RAD51D: variants seen among roughly 807,000 people sequenced by gnomAD.
The protein encoded by RAD51D is RAD51 paralog D.
A neutral mutation model predicts 44.1 loss-of-function variants in RAD51D; 38 were observed. The observed-to-expected ratio is 0.86, with a 90% confidence interval of 0.67 to 1.13. The LOEUF is 1.13. RAD51D is among the 50% of genes most tolerant of loss of function. The pLI, the probability that RAD51D is intolerant of heterozygous loss-of-function variation, is 0.00. For missense variants in RAD51D, 390 were observed against 414.0 expected, an observed-to-expected ratio of 0.94 and a Z score of 0.50; for synonymous variants, 141 against 166.6, an observed-to-expected ratio of 0.85 and a Z score of 1.18.
At position 35,097,442 on chromosome 17, in the gene RAD51D, T is replaced by C. The variant is rs973928880; in HGVS notation, c.*3511A>G. ...TCATATGTGTATATATATGTGTGTA[T>C]ATATATGTGTGTATATATATATATG... On this transcript the variant is annotated 3_prime_UTR_variant, in exon 10 of 10. Transcript: ENST00000345365. The C allele has an allele frequency of 1.5e-5, 2 of 133,062 alleles. No individual in the cohort carries two copies. Among genetic ancestry groups the C allele is most frequent in the African/African-American group, 5.5e-5 (2 of 36,650 alleles). The allele number at this position is 133,062 out of a possible 1,614,324, so 8.2% of individuals were successfully genotyped here.
intron 6 of RAD51D, among the ~76,000 whole-genome samples, chr17:35,105,524 G>A (rs1041985488): frequency 2.0e-5 from 3 of 152,196 alleles, no homozygotes; most frequent in Admixed American, 6.5e-5. Flanking sequence ...GGGGATGCCC[G>A]TGTGAACACG....
chr17:35,115,131 C>T (rs2091721655), intron 3 of RAD51D, among the ~76,000 whole-genome samples: 1 of 152,130 alleles, frequency 6.6e-6, no homozygotes, highest in African/African-American at 2.4e-5. Flanking sequence ...AGGGAGAGAC[C>T]CCTGTCTTGC....
rs896326837 is a variant in RAD51D, at chr17:35,119,788, C to A, written c.-175G>T. ...CACCAAGGGTAGGGCTGGGGGTCAT[C>A]CGCCCGCCCGGGATCCGCCGGGATT... On this transcript the variant is annotated 5_prime_UTR_variant, in exon 1 of 10. Transcript: ENST00000345365. 1.8e-5 allele frequency: 13 copies of A among 730,614 alleles called. No homozygotes were observed. The highest frequency in any genetic ancestry group is 1.4e-4 in the East Asian group (5 of 37,000). The allele number at this position is 730,614 out of a possible 1,614,324, so 45.3% of individuals were successfully genotyped here. A position where few individuals can be genotyped will look rare whatever the true frequency, so the allele number is the denominator to read the frequency against.
At position 35,097,418 on chromosome 17, in the gene RAD51D, CAT is replaced by C. The variant is rs2091493378; in HGVS notation, c.*3533_*3534del. ...CAGGCGTGAGCCACTGCGCCTGGCT[CAT>C]ATGTGTATATATATGTGTGTATATA... On this transcript the variant is annotated 3_prime_UTR_variant, in exon 10 of 10. Transcript: ENST00000345365. 6.6e-6 allele frequency: 1 copy of C among 150,632 alleles called. No homozygotes were observed. Among genetic ancestry groups the C allele is most frequent in the Non-Finnish European group, 1.5e-5 (1 of 67,862 alleles). 9.3% of individuals were successfully genotyped at this position (150,632 alleles called of 1,614,324 possible).
At chr17:35,108,209 CA>C in intron 3 of RAD51D, among the ~76,000 whole-genome samples, 1 of 151,548 alleles carries the variant, frequency 6.6e-6, no homozygotes, top group Non-Finnish European at 1.5e-5. Flanking sequence ...CACGCCACTG[CA>C]CTCCAGCCTG....
intron 3 of RAD51D, among the ~76,000 whole-genome samples, chr17:35,108,117 C>T (rs188614081): frequency 3.3e-5 from 5 of 151,286 alleles, no homozygotes; most frequent in Non-Finnish European, 7.4e-5. Flanking sequence ...TGGTGGCACA[C>T]GCCTGTAGTC....
chr17:35,112,987 C>A (rs533753010), intron 3 of RAD51D, among the ~76,000 whole-genome samples: 1 of 152,290 alleles, frequency 6.6e-6, no homozygotes, highest in African/African-American at 2.4e-5. Context: ...GTATCATCAA[C>A]ACTGGCTGTG....
intron 3 of RAD51D, among the ~76,000 whole-genome samples, chr17:35,110,703 A>C (rs971249806): frequency 5.3e-5 from 8 of 152,198 alleles, no homozygotes; most frequent in Admixed American, 3.3e-4. Flanking sequence ...CTTGTCAAAA[A>C]TCAATTGTGT....
intron 1 of RAD51D, 88 bp downstream of exon 1, chr17:35,119,444 G>C: frequency 2.8e-6 from 4 of 1,421,786 alleles, no homozygotes; most frequent in South Asian, 2.3e-5. Context: ...GCGCCCTGCA[G>C]GTATGCCAGG....
At position 35,097,527 on chromosome 17, in the gene RAD51D, ATATATATG is replaced by A. The variant is rs1425381629; in HGVS notation, c.*3418_*3425del. ...TGTGTGTGTGTGTGTGTATATATATATATATATGTATATGTATATGTATATTTTTTTCC... is the reference window on the plus strand; with the variant it reads ...TGTGTGTGTGTGTGTGTATATATATATATATGTATATGTATATTTTTTTCC... On this transcript the variant is annotated 3_prime_UTR_variant, in exon 10 of 10. Transcript: ENST00000345365. 6.6e-6 allele frequency: 1 copy of A among 150,826 alleles called. No homozygotes were observed. The highest frequency in any genetic ancestry group is 2.4e-5 in the African/African-American group (1 of 41,036). The allele number at this position is 150,826 out of a possible 1,614,324, so 9.3% of individuals were successfully genotyped here.
At chr17:35,118,674 C>T in intron 2 of RAD51D, 55 bp from the exon 3 acceptor site, 1 of 1,351,356 alleles carries the variant, frequency 7.4e-7, no homozygotes, top group Non-Finnish European at 1.1e-6. Context: ...AGCTGGCATC[C>T]CAGGGTGTCA....
In RAD51D at chr17:35,103,190, T is replaced by C; in HGVS notation, c.738+64A>G. 6.7e-7 allele frequency: 1 copy of C among 1,496,774 alleles called. No homozygotes were observed. The highest frequency in any genetic ancestry group is 1.2e-5 in the South Asian group (1 of 83,114). 92.7% of individuals were successfully genotyped at this position (1,496,774 alleles called of 1,614,324 possible). A position where few individuals can be genotyped will look rare whatever the true frequency, so the allele number is the denominator to read the frequency against. ...ACTTTGGGGTTCAGAAGCTGACATT[T>C]AAGGGAAATAAAGAGCTCGCAATAA... On this transcript the variant is annotated intron_variant, in intron 8 of 9. Coordinates refer to ENST00000345365, the MANE Select transcript of RAD51D (RefSeq NM_002878.4). The surrounding 1 kb of genome is among the most constrained non-coding windows in gnomAD (Gnocchi z 4.1).
In RAD51D at chr17:35,100,602, A is replaced by C. The variant is rs1427172710; in HGVS notation, c.*351T>G. ...TGGCCACTGCGCTAGGAGGGAGCAC[A>C]GGACACAATGGTGATGCACAGGATT... On this transcript the variant is annotated 3_prime_UTR_variant, in exon 10 of 10. Transcript: ENST00000345365. 1 of 554,620 alleles carries C rather than the reference A, an allele frequency of 1.8e-6. No individual in the cohort carries two copies. Among genetic ancestry groups the C allele is most frequent in the Non-Finnish European group, 3.4e-6 (1 of 292,456 alleles). 34.4% of individuals were successfully genotyped at this position (554,620 alleles called of 1,614,324 possible). A position where few individuals can be genotyped will look rare whatever the true frequency, so the allele number is the denominator to read the frequency against.
chr17:35,119,448 T>C, intron 1 of RAD51D, 84 bp downstream of exon 1: 1 of 1,442,228 alleles, frequency 6.9e-7, no homozygotes, highest in Non-Finnish European at 9.7e-7. Flanking sequence ...CCTGCAGGTA[T>C]GCCAGGGCAG....
rs533456303 is a variant in RAD51D at position 35,119,789 on chromosome 17, C to T, written c.-176G>A. On this transcript the variant is annotated 5_prime_UTR_variant, in exon 1 of 10. Coordinates refer to ENST00000345365, the MANE Select transcript of RAD51D (RefSeq NM_002878.4). ...ACCAAGGGTAGGGCTGGGGGTCATC[C>T]GCCCGCCCGGGATCCGCCGGGATTC... 9 of 730,164 alleles carry T rather than the reference C, an allele frequency of 1.2e-5. No homozygotes were observed. Among genetic ancestry groups the T allele is most frequent in the South Asian group, 3.0e-5 (2 of 67,492 alleles). 45.2% of individuals were successfully genotyped at this position (730,164 alleles called of 1,614,324 possible).
chr17:35,106,113 G>A, intron 6 of RAD51D: 1 of 607,800 alleles, frequency 1.6e-6, no homozygotes. Flanking sequence ...GCAGCTAAAA[G>A]TATTCCTCAC....
chr17:35,107,197 C>A (rs2091617437), intron 4 of RAD51D, 75 bp from the exon 5 acceptor site: 2 of 1,569,632 alleles, frequency 1.3e-6, no homozygotes, highest in Admixed American at 1.7e-5. Context: ...AAACCTTGCC[C>A]AGATTCCAGC....
rs145204035 is a variant in RAD51D at position 35,105,397 on chromosome 17, C to A, written c.576+989G>T. Among the ~76,000 whole-genome samples the A allele has an allele frequency of 2.4e-4, 37 of 152,282 alleles. No individual in the cohort carries two copies. The East Asian group carries it at 7.1e-3, about 29-fold the overall frequency. ...CCTCCAACTGCTAGGCTCAAGCAAT[C>A]CTCCCGTCTCAGCCTCTGGAGTCAT... On this transcript the variant is annotated intron_variant, in intron 6 of 9. Transcript: ENST00000345365.
In RAD51D at chr17:35,093,560, A is replaced by C. The variant is rs1245958273; in HGVS notation, c.*7393T>G. On this transcript the variant is annotated 3_prime_UTR_variant, in exon 10 of 10. Coordinates refer to ENST00000345365, the MANE Select transcript of RAD51D (RefSeq NM_002878.4). ...CAGAGAGAACTCCATCATTCATGGC[A>C]AATGTCATGGCCAATACCCAGACTC... 6.6e-6 allele frequency: 1 copy of C among 152,262 alleles called. No homozygotes were observed. Among genetic ancestry groups the C allele is most frequent in the Non-Finnish European group, 1.5e-5 (1 of 68,042 alleles). The allele number at this position is 152,262 out of a possible 1,614,324, so 9.4% of individuals were successfully genotyped here.
Sources: gnomAD v4.1 joint callset for allele counts (sites outside exome capture counted in the v4.1 genomes callset) on GRCh38, gnomAD v4.1.1 for gene constraint, Gnocchi (gnomAD v3.1) non-coding constraint, MANE v1.5 for transcripts, NCBI Gene and HGNC (gene_info 2026-07-23, HGNC 2026-07-21) for gene names.